The following EYS variants were observed in gnomAD, a reference collection of about 807,000 sequenced individuals.
The protein encoded by EYS is EGF-like photoreceptor maintenance factor.
EYS carries 250 observed loss-of-function variants against 282.1 expected under a neutral mutation model. That is an observed-to-expected ratio of 0.89 (90% CI 0.80 to 0.98). The LOEUF is 0.98. EYS is among the 50% of genes least tolerant of loss of function. The pLI, the probability that EYS is intolerant of heterozygous loss-of-function variation, is 0.00. For synonymous variants in EYS, 1,355 were observed against 1,282.9 expected (o/e 1.06, Z -1.20); for missense variants, 4,016 against 3,709.0 (o/e 1.08, Z -2.15).
intron 2 of EYS, among the ~76,000 whole-genome samples, chr6:65,513,000 A>G (rs1182216467): frequency 6.6e-6 from 1 of 152,194 alleles, no homozygotes; most frequent in African/African-American, 2.4e-5. Context: ...TGAATCCACA[A>G]GCTGGTTTTT....
intron 22 of EYS, among the ~76,000 whole-genome samples, chr6:64,777,272 CTAGTT>C (rs1274963088): frequency 1.3e-5 from 2 of 152,046 alleles, no homozygotes; most frequent in African/African-American, 4.8e-5. Context: ...AGTGGAAACT[CTAGTT>C]TATAGATATT....
chr6:65,627,885 C>T (rs12211385), intron 2 of EYS, among the ~76,000 whole-genome samples: 54,176 of 152,168 alleles, frequency 0.36, 12,036 homozygotes, highest in Non-Finnish European at 0.49. Flanking sequence ...CCCTGCTCTA[C>T]GGCGCCCAGT....
At chr6:65,069,453 T>C (rs1016964253) in intron 12 of EYS, among the ~76,000 whole-genome samples, 3 of 151,952 alleles carry the variant, frequency 2.0e-5, no homozygotes, top group African/African-American at 7.2e-5. Flanking sequence ...AGGACATCAT[T>C]AAAGGTAAAT....
At chr6:64,241,657 T>TTTTTG (rs372019243) in intron 30 of EYS, among the ~76,000 whole-genome samples, 7 of 149,154 alleles carry the variant, frequency 4.7e-5, no homozygotes, top group African/African-American at 1.7e-4. Context: ...TTGAAGGTTT[T>TTTTTG]TGTGTGTGTG....
At chr6:65,277,635 C>CT (rs1356688547) in intron 12 of EYS, among the ~76,000 whole-genome samples, 1 of 152,094 alleles carries the variant, frequency 6.6e-6, no homozygotes. Context: ...GCCACCCAGT[C>CT]TGTGGTACTT....
intron 26 of EYS, among the ~76,000 whole-genome samples, chr6:64,557,869 TGTC>T (rs200301687): frequency 0.03 from 4,599 of 152,160 alleles, 150 homozygotes; most frequent in East Asian, 0.11. Context: ...CTACAATGTA[TGTC>T]AGAACTGAGT....
chr6:64,332,039 C>T (rs529740798), intron 29 of EYS, among the ~76,000 whole-genome samples: 4 of 152,260 alleles, frequency 2.6e-5, no homozygotes, highest in African/African-American at 4.8e-5. Context: ...CAACAGCTAA[C>T]GCAGATGTTA....
At chr6:65,602,041 T>A (rs1765633233) in intron 2 of EYS, among the ~76,000 whole-genome samples, 3 of 151,876 alleles carry the variant, frequency 2.0e-5, no homozygotes, top group Non-Finnish European at 4.4e-5. Flanking sequence ...TTCTCATTGG[T>A]CTGGGTCTTT....
chr6:64,133,925 A>G (rs1774075320), intron 31 of EYS, among the ~76,000 whole-genome samples: 1 of 151,872 alleles, frequency 6.6e-6, no homozygotes, highest in South Asian at 2.1e-4. Context: ...GTTCTTATAT[A>G]CGAATGCTAA....
intron 31 of EYS, among the ~76,000 whole-genome samples, chr6:64,211,933 T>C (rs1182851173): frequency 6.6e-6 from 1 of 151,674 alleles, no homozygotes; most frequent in Non-Finnish European, 1.5e-5. Flanking sequence ...TTGGCCAACA[T>C]GGTAAAAACC....
At chr6:65,056,953 C>A (rs1476971966) in intron 13 of EYS, among the ~76,000 whole-genome samples, 1 of 151,640 alleles carries the variant, frequency 6.6e-6, no homozygotes, top group Non-Finnish European at 1.5e-5. Flanking sequence ...TTACATTTTT[C>A]ATAAGTAATT....
At chr6:64,748,370 A>G (rs74502367) in intron 22 of EYS, among the ~76,000 whole-genome samples, 3,176 of 152,296 alleles carry the variant, frequency 0.021, 108 homozygotes, top group African/African-American at 0.069. Context: ...GGTGAGGAGG[A>G]ACGGTTTCAT....
chr6:64,017,583 A>G (rs1325076274), intron 33 of EYS, among the ~76,000 whole-genome samples: 2 of 152,142 alleles, frequency 1.3e-5, no homozygotes, highest in African/African-American at 4.8e-5. Context: ...CAATGCACAT[A>G]TGCTGACCTG....
At chr6:64,739,996 T>A (rs563393963) in intron 22 of EYS, among the ~76,000 whole-genome samples, 30 of 152,272 alleles carry the variant, frequency 2.0e-4, no homozygotes, top group African/African-American at 7.2e-4. Flanking sequence ...TTAGAACTCA[T>A]TAGCAAAAAA....
At chr6:65,244,502 C>G (rs1767129988) in intron 12 of EYS, among the ~76,000 whole-genome samples, 1 of 151,348 alleles carries the variant, frequency 6.6e-6, no homozygotes, top group Non-Finnish European at 1.5e-5. Flanking sequence ...ATTATCCGAA[C>G]TATTTATTTA....
intron 5 of EYS, among the ~76,000 whole-genome samples, chr6:65,431,634 T>C (rs1413430938): frequency 6.6e-6 from 1 of 152,124 alleles, no homozygotes; most frequent in Non-Finnish European, 1.5e-5. Flanking sequence ...AAATATTATG[T>C]GTTGGAAAAA....
intron 22 of EYS, among the ~76,000 whole-genome samples, chr6:64,795,274 G>T (rs1323571540): frequency 6.6e-6 from 1 of 151,466 alleles, no homozygotes; most frequent in African/African-American, 2.4e-5. Flanking sequence ...CTTTTATTTT[G>T]AAATTATACA....
intron 42 of EYS, among the ~76,000 whole-genome samples, chr6:63,726,101 G>T (rs891708322): frequency 2.6e-5 from 4 of 152,042 alleles, no homozygotes; most frequent in African/African-American, 9.7e-5. Flanking sequence ...CAAATCCTGG[G>T]TTTACTGTTT....
rs1295747318 is a variant in EYS at position 64,766,650 on chromosome 6, ATATATAT to A, written c.3443+46721_3443+46727del. 3.9e-3 allele frequency among the ~76,000 whole-genome samples: 108 copies of A among 27,646 alleles called. 12 individuals are homozygous for A. Among genetic ancestry groups the A allele is most frequent in the East Asian group, 0.036 (30 of 824 alleles). The allele number at this position is 27,646 out of a possible 152,430, so 18.1% of individuals were successfully genotyped here. A position where few individuals can be genotyped will look rare whatever the true frequency, so the allele number is the denominator to read the frequency against. On this transcript the variant is annotated intron_variant, in intron 22 of 42. Transcript: ENST00000503581. ...CCGTCTCAAAAAAAAAAAAAAAAAA[ATATATAT>A]ATATATATATATATATATATATATA...
Sources: gnomAD v4.1 joint callset for allele counts (sites outside exome capture counted in the v4.1 genomes callset) on GRCh38, gnomAD v4.1.1 for gene constraint, MANE v1.5 for transcripts, NCBI Gene and HGNC (gene_info 2026-07-23, HGNC 2026-07-21) for gene names.